MAST3: variants seen among roughly 807,000 people sequenced by gnomAD.
MAST3 encodes the protein microtubule-associated serine/threonine-protein kinase 3.
Under a neutral mutation model 127.0 loss-of-function variants are expected in MAST3, and 43 were observed. The observed-to-expected ratio is 0.34, with a 90% CI of 0.27 to 0.44. MAST3 has a LOEUF of 0.44. Among genes scored for constraint, MAST3 ranks in the 20% least tolerant of loss-of-function variants. The probability of loss-of-function intolerance (pLI) is 1.00; values close to 1 mark genes in which losing one functional copy is unlikely to be tolerated. For missense variants in MAST3, 1,390 were observed against 1,919.1 expected (o/e 0.72, Z 5.15); for synonymous variants, 785 against 809.2 (o/e 0.97, Z 0.51).
At chr19:18,148,868 A>C (rs1476270864) in intron 27 of MAST3, among the ~76,000 whole-genome samples, 1 of 150,788 alleles carries the variant, frequency 6.6e-6, no homozygotes, top group Non-Finnish European at 1.5e-5. Context: ...ATGCCACTGC[A>C]CTCCAGCCTG....
At chr19:18,132,603 A>G (rs2041439495) in intron 15 of MAST3, among the ~76,000 whole-genome samples, 1 of 152,158 alleles carries the variant, frequency 6.6e-6, no homozygotes, top group South Asian at 2.1e-4. Flanking sequence ...GTAAGCACCT[A>G]CTGCATGCCA....
intron 5 of MAST3, 100 bp downstream of exon 5, chr19:18,122,022 A>C: frequency 6.5e-7 from 1 of 1,531,912 alleles, no homozygotes; most frequent in Non-Finnish European, 8.8e-7. Flanking sequence ...CATTCATTTC[A>C]TTCACCTTTT....
chr19:18,112,814 G>C lies in MAST3; in HGVS notation c.161+2073G>C, dbSNP rs1380210874. Among the ~76,000 whole-genome samples the C allele has an allele frequency of 6.6e-6, 1 of 152,102 alleles. No homozygotes were observed. Among genetic ancestry groups the C allele is most frequent in the Admixed American group, 6.6e-5 (1 of 15,258 alleles). On this transcript the variant is annotated intron_variant, in intron 3 of 27. Coordinates refer to ENST00000687212, the MANE Select transcript of MAST3 (RefSeq NM_001393504.1). This position sits in a 1 kb window ranked among gnomAD's most constrained non-coding sequence, Gnocchi z 4.1. ...TCTGTGTCTGCCTTGGGGGGAGAAAGTTCTGCTGGGGCCAGGAATGGAGGT... is the reference window on the plus strand; with the variant it reads ...TCTGTGTCTGCCTTGGGGGGAGAAACTTCTGCTGGGGCCAGGAATGGAGGT...
In MAST3 at chr19:18,144,516, G is replaced by A. The variant is rs753024370; in HGVS notation, c.2635G>A (p.Ala879Thr). Residue 879 changes from alanine to threonine, a missense_variant, in exon 23 of 28, where the codon GCC (alanine) becomes ACC (threonine). Coordinates refer to ENST00000687212, the MANE Select transcript of MAST3 (RefSeq NM_001393504.1). This position sits in a 1 kb window ranked among gnomAD's most constrained non-coding sequence, Gnocchi z 4.0. The stretch of plus-strand genomic sequence containing the variant: ...CCGCCTACGGAGCAATAGCATCGGC[G>A]CCCGACACTCCACACCAAGGCCTCT... Reference protein sequence around the residue: ...HARLRSNSIGARHSTPRPLDA... With the variant: ...HARLRSNSIGTRHSTPRPLDA... 8.7e-6 allele frequency: 14 copies of A among 1,607,326 alleles called. No homozygotes were observed. Among genetic ancestry groups the A allele is most frequent in the Admixed American group, 3.4e-5 (2 of 59,218 alleles).
At chr19:18,128,313 T>C (rs1453871977) in intron 11 of MAST3, 87 bp from the exon 12 acceptor site, 2 of 1,071,680 alleles carry the variant, frequency 1.9e-6, no homozygotes, top group Non-Finnish European at 2.7e-6. Context: ...CAGCCTGGGG[T>C]GAGAACTCTA....
In MAST3 at chr19:18,137,292, G is replaced by A. The variant is rs758569674; in HGVS notation, c.2026G>A (p.Gly676Arg). ...CTTTTTCCTGGCCCTGGACTGGGCAGGGCTTCTCCGACACAAAGCCGAGTT... is the reference window on the plus strand; with the variant it reads ...CTTTTTCCTGGCCCTGGACTGGGCAAGGCTTCTCCGACACAAAGCCGAGTT... ...HPFFLALDWA[G>R]LLRHKAEFVP... The change falls in exon 19 of 28, where the codon GGG becomes AGG. Residue 676 changes from glycine (G) to arginine (R), a missense_variant. Transcript: ENST00000687212. 1 of 1,613,920 alleles carries A rather than the reference G, an allele frequency of 6.2e-7. No homozygotes were observed. Among genetic ancestry groups the A allele is most frequent in the South Asian group, 1.1e-5 (1 of 91,086 alleles).
At chr19:18,099,336 G>A (rs1382916156) in intron 1 of MAST3, among the ~76,000 whole-genome samples, 3 of 150,918 alleles carry the variant, frequency 2.0e-5, no homozygotes, top group African/African-American at 7.3e-5. Flanking sequence ...GCGGAAAGGA[G>A]GGGGCGGGGC....
rs576984210 is a variant in MAST3 at position 18,111,530 on chromosome 19, C to CTTTTTTTTTTTTTTTTTT, written c.161+794_161+811dup. Among the ~76,000 whole-genome samples the CTTTTTTTTTTTTTTTTTT allele has an allele frequency of 2.5e-4, 26 of 103,252 alleles. 5 individuals carry two copies. The highest frequency in any genetic ancestry group is 1.1e-3 in the African/African-American group (24 of 21,616). 67.7% of individuals were successfully genotyped at this position (103,252 alleles called of 152,430 possible). On this transcript the variant is annotated intron_variant, in intron 3 of 27. Coordinates refer to ENST00000687212, the MANE Select transcript of MAST3 (RefSeq NM_001393504.1). ...TGAGCTGCTTAACTCTTTCCACAGA[C>CTTTTTTTTTTTTTTTTTT]TTTTTTTTTTTTTTTTTTTTTTGAG...
At chr19:18,099,140 G>A (rs2037313940) in intron 1 of MAST3, among the ~76,000 whole-genome samples, 1 of 151,870 alleles carries the variant, frequency 6.6e-6, no homozygotes, top group Non-Finnish European at 1.5e-5. Flanking sequence ...GGGCCGGCGG[G>A]TCTCCAACCT....
At chr19:18,127,704 C>G (rs2049282297) in intron 11 of MAST3, among the ~76,000 whole-genome samples, 1 of 151,394 alleles carries the variant, frequency 6.6e-6, no homozygotes, top group African/African-American at 2.4e-5. Context: ...AATACAAATA[C>G]AAAAATTAGC....
intron 3 of MAST3, among the ~76,000 whole-genome samples, chr19:18,113,860 G>A (rs1289954616): frequency 3.9e-5 from 6 of 152,098 alleles, no homozygotes; most frequent in Non-Finnish European, 5.9e-5. Context: ...GGCCTCCCAC[G>A]GTACTGGAAT....
At position 18,107,750 on chromosome 19, in the gene MAST3, G is replaced by A. The variant is rs1023135108; in HGVS notation, c.71+132G>A. ...ACATCTCATGTTCATTCTTGCCCTCGTGTTTGCAAAGTGCTTCACAAGCAC... is the reference window on the plus strand; with the variant it reads ...ACATCTCATGTTCATTCTTGCCCTCATGTTTGCAAAGTGCTTCACAAGCAC... On this transcript the variant is annotated intron_variant, in intron 2 of 27. Coordinates refer to ENST00000687212, the MANE Select transcript of MAST3 (RefSeq NM_001393504.1). The A allele has an allele frequency of 6.5e-5, 67 of 1,032,142 alleles. No homozygotes were observed. In the South Asian group the frequency reaches 6.6e-4, roughly 10 times the overall value. 63.9% of individuals were successfully genotyped at this position (1,032,142 alleles called of 1,614,324 possible).
At chr19:18,122,344 C>T (rs1330268004) in intron 5 of MAST3, among the ~76,000 whole-genome samples, 1 of 152,056 alleles carries the variant, frequency 6.6e-6, no homozygotes, top group Non-Finnish European at 1.5e-5. Context: ...AGGGCATGGT[C>T]GCAAATGGGC....
chr19:18,146,664 G>A (rs1385246765), intron 25 of MAST3, among the ~76,000 whole-genome samples: 4 of 152,152 alleles, frequency 2.6e-5, no homozygotes, highest in Non-Finnish European at 2.9e-5. Flanking sequence ...CTCGATCGGC[G>A]TTGACCGCAG....
intron 26 of MAST3, 55 bp downstream of exon 26, chr19:18,147,099 C>CTTTTTTT (rs147946466): frequency 6.7e-5 from 60 of 894,024 alleles, no homozygotes; most frequent in Admixed American, 1.9e-4. Flanking sequence ...TTTCTTTTTC[C>CTTTTTTT]TTTTTTTTTT....
rs2043426408 is a variant in MAST3, at chr19:18,150,033, C to A, written c.*307C>A. The A allele has an allele frequency of 1.6e-5, 5 of 306,224 alleles. No individual in the cohort carries two copies. Among genetic ancestry groups the A allele is most frequent in the African/African-American group, 2.5e-5 (1 of 39,362 alleles). 19.0% of individuals were successfully genotyped at this position (306,224 alleles called of 1,614,324 possible). On this transcript the variant is annotated 3_prime_UTR_variant, in exon 28 of 28. Coordinates refer to ENST00000687212, the MANE Select transcript of MAST3 (RefSeq NM_001393504.1). The stretch of plus-strand genomic sequence containing the variant: ...ACAGAGTCTCACTCTGTTGCCCGGG[C>A]TGGAGTGCAGCGGCGTGATCTCAGC...
chr19:18,133,028 G>A (rs746474023), intron 15 of MAST3, among the ~76,000 whole-genome samples: 2 of 152,052 alleles, frequency 1.3e-5, no homozygotes, highest in Non-Finnish European at 2.9e-5. Flanking sequence ...TCTTGAACCC[G>A]GCGGAGGTTG....
chr19:18,143,476 T>A (rs1448502520), intron 21 of MAST3, among the ~76,000 whole-genome samples: 1 of 152,130 alleles, frequency 6.6e-6, no homozygotes, highest in African/African-American at 2.4e-5. Flanking sequence ...CTTGGGAGGC[T>A]GAGGCAGGAG....
chr19:18,111,848 C>T (rs987051138), intron 3 of MAST3, among the ~76,000 whole-genome samples: 9 of 152,116 alleles, frequency 5.9e-5, no homozygotes, highest in Admixed American at 5.2e-4. Flanking sequence ...GAAGAGAGAA[C>T]AATATAGAGC....
Sources: allele counts gnomAD v4.1 joint callset (sites outside exome capture counted in the v4.1 genomes callset), GRCh38; gene constraint gnomAD v4.1.1; non-coding constraint Gnocchi (gnomAD v3.1); transcripts MANE v1.5; gene names NCBI Gene and HGNC (gene_info 2026-07-23, HGNC 2026-07-21).